Variants in FARS2 observed in about 807,000 individuals in gnomAD.
FARS2 encodes the protein phenylalanine--tRNA ligase, mitochondrial.
A neutral mutation model predicts 46.4 loss-of-function variants in FARS2; 40 were observed. The observed-to-expected ratio is 0.86, with a 90% confidence interval of 0.67 to 1.12. The LOEUF is 1.12. FARS2 is among the 50% of genes most tolerant of loss of function. The pLI, the probability that FARS2 is intolerant of heterozygous loss-of-function variation, is 0.00. For synonymous variants in FARS2, 234 were observed against 214.9 expected (o/e 1.09, Z -0.78); for missense variants, 513 against 567.9 (o/e 0.90, Z 0.98).
In FARS2 at chr6:5,325,940, G is replaced by T. The variant is rs184127287; in HGVS notation, c.-21-42610G>T. Among the ~76,000 whole-genome samples, 331 of 152,230 alleles carry T rather than the reference G, an allele frequency of 2.2e-3. 1 individual carries two copies. Among genetic ancestry groups the T allele is most frequent in the African/African-American group, 7.7e-3 (318 of 41,552 alleles). On this transcript the variant is annotated intron_variant, in intron 1 of 6. Coordinates refer to ENST00000274680, the MANE Select transcript of FARS2 (RefSeq NM_006567.5). ...GCATACATTTTTAAGCATCAGATTG[G>T]CAGAGATGGAAAATCTCACAATATA...
intron 3 of FARS2, among the ~76,000 whole-genome samples, chr6:5,420,759 T>A (rs892147045): frequency 2.4e-4 from 37 of 152,208 alleles, no homozygotes; most frequent in Non-Finnish European, 2.9e-4. Context: ...CTTTTCTAGG[T>A]GCCTGGTGCA....
chr6:5,702,381 GAACTTTT>G (rs1279116730), intron 6 of FARS2, among the ~76,000 whole-genome samples: 2 of 152,174 alleles, frequency 1.3e-5, no homozygotes, highest in African/African-American at 4.8e-5. Flanking sequence ...TTAAAAAAGT[GAACTTTT>G]AACTTTTACT....
At chr6:5,431,265 C>A (rs1582084299) in intron 4 of FARS2, 93 bp downstream of exon 4, 1 of 1,282,426 alleles carries the variant, frequency 7.8e-7, no homozygotes, top group Non-Finnish European at 1.1e-6. Flanking sequence ...TATTTACATA[C>A]TTCTATGCGG....
intron 1 of FARS2, among the ~76,000 whole-genome samples, chr6:5,323,214 G>A (rs1242435269): frequency 2.0e-5 from 3 of 152,150 alleles, no homozygotes; most frequent in South Asian, 4.1e-4. Context: ...AAGATGCAAA[G>A]ATTCTAGATT....
intron 6 of FARS2, among the ~76,000 whole-genome samples, chr6:5,656,824 C>T (rs146163261): frequency 1.3e-4 from 20 of 152,192 alleles, no homozygotes; most frequent in Non-Finnish European, 1.5e-4. Flanking sequence ...GCTGGGATTA[C>T]GGGTGTGAGC....
chr6:5,262,829 C>T (rs770190005), intron 1 of FARS2, among the ~76,000 whole-genome samples: 29 of 152,192 alleles, frequency 1.9e-4, no homozygotes, highest in Non-Finnish European at 4.0e-4. Context: ...ACTTCTATTA[C>T]TTCCTGGTTG....
chr6:5,667,980 GC>G (rs1335320668), intron 6 of FARS2: 3 of 152,310 alleles, frequency 2.0e-5, no homozygotes, highest in Admixed American at 1.3e-4. Context: ...GAGCTGCTGA[GC>G]TTTTCCACAA....
chr6:5,251,889 C>G, the FARS2 span, among the ~76,000 whole-genome samples: 1 of 152,206 alleles, frequency 6.6e-6, no homozygotes, highest in Non-Finnish European at 1.5e-5. Flanking sequence ...GCTCATGGTT[C>G]TAATTCCTCA....
At position 5,352,761 on chromosome 6, in the gene FARS2, T is replaced by C. The variant is rs146389445; in HGVS notation, c.-21-15789T>C. Among the ~76,000 whole-genome samples the C allele has an allele frequency of 1.1e-3, 164 of 152,192 alleles. 1 individual carries two copies. The highest frequency in any genetic ancestry group is 3.7e-3 in the African/African-American group (154 of 41,518). The stretch of plus-strand genomic sequence containing the variant: ...CCTTCCTCCTTCCCTTCCTCCCTTC[T>C]TCCTGTATTAATTTTTATTTTTATT... On this transcript the variant is annotated intron_variant, in intron 1 of 6. Coordinates refer to ENST00000274680, the MANE Select transcript of FARS2 (RefSeq NM_006567.5).
intron 1 of FARS2, among the ~76,000 whole-genome samples, chr6:5,334,255 G>T (rs913057720): frequency 6.6e-6 from 1 of 152,164 alleles, no homozygotes; most frequent in Admixed American, 6.5e-5. Flanking sequence ...CAGGGAGTAT[G>T]GCACTCGTAC....
chr6:5,387,811 G>T lies in FARS2; in HGVS notation c.613-16731G>T, dbSNP rs147640029. Among the ~76,000 whole-genome samples the T allele has an allele frequency of 1.2e-4, 19 of 152,306 alleles. No homozygotes were observed. In the East Asian group the frequency reaches 3.1e-3, roughly 25 times the overall value. ...TCTTCTCTCACGATAAGAGACTGAA[G>T]TGTTGTTCCTGGAGCTGCAATCTGT... On this transcript the variant is annotated intron_variant, in intron 2 of 6. Transcript: ENST00000274680.
chr6:5,729,368 G>A (rs533649858), intron 6 of FARS2, among the ~76,000 whole-genome samples: 2 of 152,160 alleles, frequency 1.3e-5, no homozygotes, highest in Non-Finnish European at 2.9e-5. Flanking sequence ...CAGCAGAGGC[G>A]AGGCTCAGAG....
At chr6:5,509,805 G>A (rs1768321378) in intron 4 of FARS2, among the ~76,000 whole-genome samples, 1 of 152,152 alleles carries the variant, frequency 6.6e-6, no homozygotes, top group South Asian at 2.1e-4. Flanking sequence ...TTACTGGGAA[G>A]AGCATTATCC....
At chr6:5,667,483 A>C (rs1264865650) in intron 6 of FARS2, among the ~76,000 whole-genome samples, 1 of 151,722 alleles carries the variant, frequency 6.6e-6, no homozygotes, top group Non-Finnish European at 1.5e-5. Context: ...ACGCCACTGC[A>C]CTCCAGCCTG....
At chr6:5,460,317 G>C (rs1562057493) in intron 4 of FARS2, among the ~76,000 whole-genome samples, 1 of 152,198 alleles carries the variant, frequency 6.6e-6, no homozygotes, top group African/African-American at 2.4e-5. Context: ...TGCCTAGGCA[G>C]GCTGTTCTTT....
At chr6:5,453,059 T>A (rs984244313) in intron 4 of FARS2, among the ~76,000 whole-genome samples, 4 of 152,140 alleles carry the variant, frequency 2.6e-5, no homozygotes, top group African/African-American at 9.7e-5. Flanking sequence ...ATTAATTGCC[T>A]TGGTTTGGAA....
chr6:5,525,596 C>G (rs1411894516), intron 4 of FARS2, among the ~76,000 whole-genome samples: 2 of 152,164 alleles, frequency 1.3e-5, no homozygotes, highest in Non-Finnish European at 2.9e-5. Context: ...ATAAAGAAAA[C>G]TGTGTGAGTG....
intron 2 of FARS2, among the ~76,000 whole-genome samples, chr6:5,393,008 T>A (rs936531606): frequency 2.0e-5 from 3 of 150,848 alleles, no homozygotes; most frequent in Admixed American, 6.6e-5. Context: ...TTTATTAAAA[T>A]ATATGTAAAA....
At chr6:5,356,246 C>T (rs771711495) in intron 1 of FARS2, among the ~76,000 whole-genome samples, 5 of 152,124 alleles carry the variant, frequency 3.3e-5, no homozygotes, top group Non-Finnish European at 7.4e-5. Flanking sequence ...GCCAGGAGTT[C>T]GAGACCAGCC....
Sources: allele counts gnomAD v4.1 joint callset (sites outside exome capture counted in the v4.1 genomes callset), GRCh38; gene constraint gnomAD v4.1.1; transcripts MANE v1.5; gene names NCBI Gene and HGNC (gene_info 2026-07-23, HGNC 2026-07-21).